The following TIGD3 variants were observed in gnomAD, a reference collection of about 807,000 sequenced individuals.
TIGD3 encodes tigger transposable element-derived protein 3.
A neutral mutation model predicts 14.8 loss-of-function variants in TIGD3; 7 were observed. The ratio of observed to expected loss-of-function variants is 0.47; its 90% CI spans 0.27 to 0.89. TIGD3 has a LOEUF of 0.89. Among genes scored for constraint, TIGD3 ranks in the 40% least tolerant of loss-of-function variants. The probability of loss-of-function intolerance (pLI) is 0.13; values close to 1 mark genes in which losing one functional copy is unlikely to be tolerated. For missense variants in TIGD3, 581 were observed against 611.0 expected, an observed-to-expected ratio of 0.95 and a Z score of 0.52; for synonymous variants, 243 against 269.4, an observed-to-expected ratio of 0.90 and a Z score of 0.96.
Position 65,357,149 on chromosome 11 carries a change from C to T in TIGD3, c.1341C>T (p.Cys447=), listed in dbSNP as rs1283101387. 2 of 1,614,186 alleles carry T rather than the reference C, an allele frequency of 1.2e-6. No homozygotes were observed. Among genetic ancestry groups the T allele is most frequent in the East Asian group, 4.5e-5 (2 of 44,884 alleles). Residue 447 remains cysteine (C), a synonymous_variant, in exon 2 of 2, where the codon TGC becomes TGT. Transcript: ENST00000309880. ...GCACCTTGAGGAGGTGGTTTGAATG[C>T]AACAGCACTTCTCCTGAGCTATTCG... ...ALGTLRRWFE[C]NSTSPELFEK...
Position 65,356,546 on chromosome 11 carries a change from G to A in TIGD3, c.738G>A (p.Trp246Ter), listed in dbSNP as rs767036048. 12 of 1,607,366 alleles carry A rather than the reference G, an allele frequency of 7.5e-6. No individual in the cohort carries two copies. In the South Asian group the frequency reaches 1.3e-4, roughly 18 times the overall value. The change falls in exon 2 of 2, where the codon TGG (tryptophan) becomes TGA (stop). Residue 246 changes from tryptophan (W) to a stop codon, truncating the protein, a stop_gained. Transcript: ENST00000309880. LOFTEE classifies it low-confidence loss of function (END_TRUNC). This position sits in a 1 kb window ranked among gnomAD's most constrained non-coding sequence, Gnocchi z 5.2. Reference protein sequence around the residue: ...HPDLGIPWLEWLAQFDRDMGQ... With the variant: ...HPDLGIPWLE ...ACCTGGGCATCCCCTGGTTAGAGTG[G>A]TTGGCACAGTTTGACCGGGACATGG...
Position 65,357,039 on chromosome 11 carries a change from G to T in TIGD3, c.1231G>T (p.Glu411Ter). 1 of 1,613,924 alleles carries T rather than the reference G, an allele frequency of 6.2e-7. No individual in the cohort carries two copies. Among genetic ancestry groups the T allele is most frequent in the Non-Finnish European group, 8.5e-7 (1 of 1,179,824 alleles). The change falls in exon 2 of 2, where the codon GAG becomes TAG. Residue 411 changes from glutamate to a stop codon, truncating the protein, a stop_gained. Coordinates refer to ENST00000309880, the MANE Select transcript of TIGD3 (RefSeq NM_145719.3). LOFTEE classifies it high-confidence loss of function. ...EEPRSGVCKEEIGTEDEKGDR... is the reference protein window; with the variant it reads ...EEPRSGVCKE ...GCCAAGGTCTGGAGTATGTAAGGAG[G>T]AGATAGGCACTGAAGACGAGAAGGG...
chr11:65,356,824 A>T lies in TIGD3; in HGVS notation c.1016A>T (p.Asp339Val). The T allele has an allele frequency of 6.2e-7, 1 of 1,613,072 alleles. No individual in the cohort carries two copies. Among genetic ancestry groups the T allele is most frequent in the Non-Finnish European group, 8.5e-7 (1 of 1,179,938 alleles). Residue 339 changes from aspartate (D) to valine (V), a missense_variant, in exon 2 of 2, where the codon GAC (aspartate) becomes GTC (valine). Asp to Val is a radical substitution (Grantham distance 152). Coordinates refer to ENST00000309880, the MANE Select transcript of TIGD3 (RefSeq NM_145719.3). The surrounding 1 kb of genome is among the most constrained non-coding windows in gnomAD (Gnocchi z 5.2). ...AEAGAGITVL[D>V]ALHVASAAWA... ...GCCGGGGCAGGCATCACCGTGCTGGACGCCCTGCACGTGGCGTCTGCCGCC... is the reference window on the plus strand; with the variant it reads ...GCCGGGGCAGGCATCACCGTGCTGGTCGCCCTGCACGTGGCGTCTGCCGCC...
chr11:65,355,593 C>T (rs1854837748), intron 1 of TIGD3, among the ~76,000 whole-genome samples, 200 bp from the exon 2 acceptor site: 1 of 152,098 alleles, frequency 6.6e-6, no homozygotes, highest in Non-Finnish European at 1.5e-5. Flanking sequence ...GAGAGACGCC[C>T]CCTCCCCAGC....
Position 65,355,799 on chromosome 11 carries a change from C to G in TIGD3, c.-10C>G, listed in dbSNP as rs199643454. On this transcript the variant is annotated 5_prime_UTR_variant, in exon 2 of 2. Transcript: ENST00000309880. ...ATCTTTCCTCCCCGCACAGGTGCCC[C>G]GGAGAGGCCATGGAGCTGAGCAGCA... The G allele has an allele frequency of 3.2e-4, 508 of 1,601,000 alleles. No individual in the cohort carries two copies. The African/African-American group carries it at 6.1e-3, about 19-fold the overall frequency.
rs777723452 is a variant in TIGD3 at position 65,356,857 on chromosome 11, A to C, written c.1049A>C (p.Lys350Thr). The stretch of plus-strand genomic sequence containing the variant: ...CACGTGGCGTCTGCCGCCTGGGCCA[A>C]GGTGCCTCCTCAGCTCATTTTCAGC... ...ALHVASAAWA[K>T]VPPQLIFSSF... The change falls in exon 2 of 2, where the codon AAG becomes ACG. Residue 350 changes from lysine (K) to threonine (T), a missense_variant. Coordinates refer to ENST00000309880, the MANE Select transcript of TIGD3 (RefSeq NM_145719.3). The surrounding 1 kb of genome is among the most constrained non-coding windows in gnomAD (Gnocchi z 5.2). The C allele has an allele frequency of 6.2e-7, 1 of 1,613,446 alleles. No individual in the cohort carries two copies. Among genetic ancestry groups the C allele is most frequent in the East Asian group, 2.2e-5 (1 of 44,888 alleles).
At chr11:65,355,312 G>A (rs1854832314) in intron 1 of TIGD3, among the ~76,000 whole-genome samples, 1 of 151,720 alleles carries the variant, frequency 6.6e-6, no homozygotes, top group Non-Finnish European at 1.5e-5. Context: ...CCCCTTTGTC[G>A]TCTGTACACC....
Position 65,356,713 on chromosome 11 carries a change from G to C in TIGD3, c.905G>C (p.Arg302Pro). The change falls in exon 2 of 2, where the codon CGG (arginine) becomes CCG (proline). Residue 302 changes from arginine (R) to proline (P), a missense_variant. Transcript: ENST00000309880. The surrounding 1 kb of genome is among the most constrained non-coding windows in gnomAD (Gnocchi z 5.2). The stretch of plus-strand genomic sequence containing the variant: ...CCTCCCCTGCCCAGCTCAGTGGTCC[G>C]GGCCTTTAAGGCCCATTACCGACAC... Reference protein sequence around the residue: ...TTPPLPSSVVRAFKAHYRHRL... With the variant: ...TTPPLPSSVVPAFKAHYRHRL... 2 of 1,613,250 alleles carry C rather than the reference G, an allele frequency of 1.2e-6. No individual in the cohort carries two copies. The highest frequency in any genetic ancestry group is 2.2e-5 in the South Asian group (2 of 91,084).
chr11:65,356,034 T>C lies in TIGD3; in HGVS notation c.226T>C (p.Tyr76His). 6.2e-7 allele frequency: 1 copy of C among 1,613,212 alleles called. No individual in the cohort carries two copies. Among genetic ancestry groups the C allele is most frequent in the Non-Finnish European group, 8.5e-7 (1 of 1,179,990 alleles). ...GCGCAAGCGCAAGCGGGAGTCCAAGTACAGCGGGATCGACGAGGCTCTGCT... is the reference window on the plus strand; with the variant it reads ...GCGCAAGCGCAAGCGGGAGTCCAAGCACAGCGGGATCGACGAGGCTCTGCT... The part of the protein sequence containing the change: ...RERKRKRESK[Y>H]SGIDEALLCW... The change falls in exon 2 of 2, where the codon TAC becomes CAC. Residue 76 changes from tyrosine (Y) to histidine (H), a missense_variant. By Grantham distance (83) the Tyr-to-His change is moderately conservative. Transcript: ENST00000309880. This position sits in a 1 kb window ranked among gnomAD's most constrained non-coding sequence, Gnocchi z 5.2.
chr11:65,355,715 C>T, intron 1 of TIGD3, 78 bp from the exon 2 acceptor site: 1 of 1,255,454 alleles, frequency 8.0e-7, no homozygotes, highest in East Asian at 2.4e-5. Flanking sequence ...CATCTAATCT[C>T]TTTTCCCTCC....
In TIGD3 at chr11:65,356,069, C is replaced by A; in HGVS notation, c.261C>A (p.Tyr87Ter). The change falls in exon 2 of 2, where the codon TAC (tyrosine) becomes TAA (stop). Residue 87 changes from tyrosine (Y) to a stop codon, truncating the protein, a stop_gained. Coordinates refer to ENST00000309880, the MANE Select transcript of TIGD3 (RefSeq NM_145719.3). LOFTEE classifies it high-confidence loss of function. The surrounding 1 kb of genome is among the most constrained non-coding windows in gnomAD (Gnocchi z 5.2). ...SGIDEALLCW[Y>*]HIARAKAWDV... ...TCGACGAGGCTCTGCTCTGCTGGTA[C>A]CACATTGCCCGGGCCAAGGCCTGGG... 1 of 1,612,162 alleles carries A rather than the reference C, an allele frequency of 6.2e-7. No homozygotes were observed. Among genetic ancestry groups the A allele is most frequent in the Non-Finnish European group, 8.5e-7 (1 of 1,180,032 alleles).
chr11:65,356,918 G>A lies in TIGD3; in HGVS notation c.1110G>A (p.Thr370=), dbSNP rs1854864080. The change falls in exon 2 of 2, where the codon ACG becomes ACA. Residue 370 remains threonine, a synonymous_variant. Transcript: ENST00000309880. This position sits in a 1 kb window ranked among gnomAD's most constrained non-coding sequence, Gnocchi z 5.2. ...FIQEGLAPGK[T]PPSSHKTSEM... is the part of the protein sequence containing the mutation. ...AAGAAGGGCTGGCTCCCGGCAAAAC[G>A]CCCCCGTCCTCGCACAAAACCTCTG... 12 of 1,613,924 alleles carry A rather than the reference G, an allele frequency of 7.4e-6. No individual in the cohort carries two copies. Among genetic ancestry groups the A allele is most frequent in the South Asian group, 3.3e-5 (3 of 91,088 alleles).
intron 1 of TIGD3, among the ~76,000 whole-genome samples, chr11:65,355,325 T>C (rs1453974297): frequency 1.3e-5 from 2 of 151,820 alleles, no homozygotes; most frequent in Non-Finnish European, 2.9e-5. Context: ...TGTACACCTG[T>C]CACCTCAACT....
chr11:65,355,945 C>T lies in TIGD3; in HGVS notation c.137C>T (p.Ser46Leu), dbSNP rs758098019. The change falls in exon 2 of 2, where the codon TCG becomes TTG. Residue 46 changes from serine to leucine, a missense_variant. Ser to Leu is a moderately radical substitution (Grantham distance 145, BLOSUM62 -2). Transcript: ENST00000309880. ...RRFQVSQPQISRICKNKEKLL... is the reference protein window; with the variant it reads ...RRFQVSQPQILRICKNKEKLL... The stretch of plus-strand genomic sequence containing the variant: ...TTCCAGGTTTCCCAGCCCCAGATCT[C>T]GCGCATCTGCAAGAATAAGGAGAAG... 5 of 1,613,890 alleles carry T rather than the reference C, an allele frequency of 3.1e-6. No individual in the cohort carries two copies. In the Admixed American group the frequency reaches 6.7e-5, roughly 22 times the overall value.
Position 65,356,372 on chromosome 11 carries a change from C to G in TIGD3, c.564C>G (p.Ser188Arg). The change falls in exon 2 of 2, where the codon AGC becomes AGG. Residue 188 changes from serine to arginine, a missense_variant. Ser to Arg is a moderately radical substitution (Grantham distance 110, BLOSUM62 -1). Coordinates refer to ENST00000309880, the MANE Select transcript of TIGD3 (RefSeq NM_145719.3). The surrounding 1 kb of genome is among the most constrained non-coding windows in gnomAD (Gnocchi z 5.2). The part of the protein sequence containing the change: ...LPLLYRAVPG[S>R]FGACDQVQVL... ...TGCTGTATCGGGCAGTGCCCGGCAG[C>G]TTTGGTGCATGTGATCAAGTACAGG... 1 of 1,611,382 alleles carries G rather than the reference C, an allele frequency of 6.2e-7. No homozygotes were observed. Among genetic ancestry groups the G allele is most frequent in the Non-Finnish European group, 8.5e-7 (1 of 1,180,034 alleles).
Position 65,355,777 on chromosome 11 carries a change from T to C in TIGD3, c.-16-16T>C, listed in dbSNP as rs751722738. ...CTCAGATTACTCTACCCGCTCAATCTTTCCTCCCCGCACAGGTGCCCCGGA... is the reference window on the plus strand; with the variant it reads ...CTCAGATTACTCTACCCGCTCAATCCTTCCTCCCCGCACAGGTGCCCCGGA... On this transcript the variant is annotated splice_polypyrimidine_tract_variant and intron_variant, in intron 1 of 1. Coordinates refer to ENST00000309880, the MANE Select transcript of TIGD3 (RefSeq NM_145719.3). The C allele has an allele frequency of 1.2e-5, 19 of 1,577,942 alleles. No individual in the cohort carries two copies. The highest frequency in any genetic ancestry group is 1.5e-5 in the Non-Finnish European group (18 of 1,161,738).
In TIGD3 at chr11:65,356,645, C is replaced by A; in HGVS notation, c.837C>A (p.Leu279=). 6.2e-7 allele frequency: 1 copy of A among 1,612,948 alleles called. No homozygotes were observed. Among genetic ancestry groups the A allele is most frequent in the Non-Finnish European group, 8.5e-7 (1 of 1,180,026 alleles). Reference sequence around the variant, plus strand: ...AGGAGCTGGCAGGCCTGCCTGGGCTCTACCACGTGAAGCTCTTGCCTCTGG... The same window carrying A: ...AGGAGCTGGCAGGCCTGCCTGGGCTATACCACGTGAAGCTCTTGCCTCTGG... ...VVEELAGLPG[L]YHVKLLPLAA... The change falls in exon 2 of 2, where the codon CTC becomes CTA. Residue 279 remains leucine (L), a synonymous_variant. Coordinates refer to ENST00000309880, the MANE Select transcript of TIGD3 (RefSeq NM_145719.3). The surrounding 1 kb of genome is among the most constrained non-coding windows in gnomAD (Gnocchi z 5.2).
rs1590615099 is a variant in TIGD3 at position 65,356,829 on chromosome 11, C to T, written c.1021C>T (p.Leu341=). The change falls in exon 2 of 2, where the codon CTG becomes TTG. Residue 341 remains leucine, a synonymous_variant. Transcript: ENST00000309880. The surrounding 1 kb of genome is among the most constrained non-coding windows in gnomAD (Gnocchi z 5.2). ...GGCAGGCATCACCGTGCTGGACGCC[C>T]TGCACGTGGCGTCTGCCGCCTGGGC... ...AGAGITVLDA[L]HVASAAWAKV... 1.9e-5 allele frequency: 30 copies of T among 1,613,188 alleles called. No homozygotes were observed. In the East Asian group the frequency reaches 6.7e-4, roughly 36 times the overall value.
rs375164433 is a variant in TIGD3 at position 65,356,781 on chromosome 11, G to A, written c.973G>A (p.Gly325Ser). The A allele has an allele frequency of 1.4e-5, 22 of 1,612,842 alleles. No individual in the cohort carries two copies. Among genetic ancestry groups the A allele is most frequent in the Non-Finnish European group, 1.8e-5 (21 of 1,179,918 alleles). Residue 325 changes from glycine to serine, a missense_variant, in exon 2 of 2, where the codon GGC (glycine) becomes AGC (serine). By Grantham distance (56) the Gly-to-Ser change is moderately conservative. Transcript: ENST00000309880. This position sits in a 1 kb window ranked among gnomAD's most constrained non-coding sequence, Gnocchi z 5.2. ...GGCTGCCATCCAAAGCGAGAGGGATGGCACCTCGCTGGCCGAGGCCGGGGC... is the reference window on the plus strand; with the variant it reads ...GGCTGCCATCCAAAGCGAGAGGGATAGCACCTCGCTGGCCGAGGCCGGGGC... ...KLAAIQSERD[G>S]TSLAEAGAGI... is the part of the protein sequence containing the mutation.
Sources: gnomAD v4.1 joint callset for allele counts (sites outside exome capture counted in the v4.1 genomes callset) on GRCh38, gnomAD v4.1.1 for gene constraint, Gnocchi (gnomAD v3.1) non-coding constraint, MANE v1.5 for transcripts, NCBI Gene and HGNC (gene_info 2026-07-23, HGNC 2026-07-21) for gene names.